The following NELL1 variants were observed in gnomAD, a reference collection of about 807,000 sequenced individuals.
NELL1 encodes neural EGFL like 1.
A neutral mutation model predicts 107.4 loss-of-function variants in NELL1; 76 were observed. The observed-to-expected ratio is 0.71, with a 90% CI of 0.59 to 0.86. NELL1 has a LOEUF of 0.86. Among genes scored for constraint, NELL1 ranks in the 40% least tolerant of loss-of-function variants. The pLI is 0.00. For missense variants in NELL1, 1,024 were observed against 1,005.5 expected, an observed-to-expected ratio of 1.02 and a Z score of -0.25; for synonymous variants, 353 against 341.2, an observed-to-expected ratio of 1.03 and a Z score of -0.38.
chr11:21,230,507 C>A (rs1172234215), intron 14 of NELL1, among the ~76,000 whole-genome samples: 1 of 152,156 alleles, frequency 6.6e-6, no homozygotes, highest in Non-Finnish European at 1.5e-5. Context: ...AAATAGGCAA[C>A]ATGAACAAGA....
chr11:21,242,165 A>G (rs558383347), intron 14 of NELL1, among the ~76,000 whole-genome samples: 1 of 152,186 alleles, frequency 6.6e-6, no homozygotes, highest in South Asian at 2.1e-4. Context: ...TAGATGCTGT[A>G]ACAGATAAAC....
Position 20,858,900 on chromosome 11 carries a change from A to G in NELL1, c.506+11147A>G, listed in dbSNP as rs574456793. ...TCCCCTGTGACTTTGGCACAGGTAC[A>G]GGATCCAAAAGAACCATGGGGAACT... is the stretch of plus-strand genomic sequence containing the variant. On this transcript the variant is annotated intron_variant, in intron 4 of 19. Coordinates refer to ENST00000357134, the MANE Select transcript of NELL1 (RefSeq NM_006157.5). Among the ~76,000 whole-genome samples, 15 of 152,316 alleles carry G rather than the reference A, an allele frequency of 9.8e-5. No individual in the cohort carries two copies. The South Asian group carries it at 3.1e-3, about 32-fold the overall frequency.
At chr11:20,708,562 A>T (rs746320850) in intron 2 of NELL1, among the ~76,000 whole-genome samples, 2 of 150,978 alleles carry the variant, frequency 1.3e-5, no homozygotes, top group African/African-American at 4.9e-5. Context: ...TTACTTTTTG[A>T]TGGTATTATT....
At chr11:21,197,363 T>G (rs1857176897) in intron 13 of NELL1, among the ~76,000 whole-genome samples, 1 of 149,930 alleles carries the variant, frequency 6.7e-6, no homozygotes, top group African/African-American at 2.5e-5. Context: ...GAGAACAAAA[T>G]CTTGTTTCCT....
At chr11:20,686,942 T>C (rs1249754247) in intron 2 of NELL1, among the ~76,000 whole-genome samples, 4 of 151,688 alleles carry the variant, frequency 2.6e-5, no homozygotes, top group African/African-American at 9.7e-5. Flanking sequence ...GTTTTTTTTT[T>C]TTTTTAATAG....
At chr11:20,802,151 T>C (rs1045409115) in intron 3 of NELL1, among the ~76,000 whole-genome samples, 1 of 152,158 alleles carries the variant, frequency 6.6e-6, no homozygotes, top group Non-Finnish European at 1.5e-5. Flanking sequence ...AGTTACTACA[T>C]TGAATTTGTA....
chr11:21,244,906 C>T (rs1858451810), intron 14 of NELL1, among the ~76,000 whole-genome samples: 1 of 152,108 alleles, frequency 6.6e-6, no homozygotes, highest in African/African-American at 2.4e-5. Context: ...CTCACTTTTA[C>T]AACTGGGGAT....
At chr11:21,200,675 T>C (rs1411670533) in intron 13 of NELL1, among the ~76,000 whole-genome samples, 1 of 152,216 alleles carries the variant, frequency 6.6e-6, no homozygotes, top group Non-Finnish European at 1.5e-5. Flanking sequence ...TTGTTGCCAT[T>C]GCTTTTGGTG....
At chr11:21,079,220 A>G (rs1033721071) in intron 12 of NELL1, among the ~76,000 whole-genome samples, 1 of 152,076 alleles carries the variant, frequency 6.6e-6, no homozygotes, top group African/African-American at 2.4e-5. Flanking sequence ...CATCATAGAT[A>G]TGAATCTGTG....
chr11:20,819,944 T>C (rs1397526660), intron 3 of NELL1, among the ~76,000 whole-genome samples: 1 of 152,234 alleles, frequency 6.6e-6, no homozygotes, highest in Non-Finnish European at 1.5e-5. Context: ...GCTTGATTCC[T>C]TGAGCTCCTT....
Position 20,823,340 on chromosome 11 carries a change from G to A in NELL1, c.336-24243G>A, listed in dbSNP as rs189862916. 1.3e-4 allele frequency among the ~76,000 whole-genome samples: 19 copies of A among 151,128 alleles called. No individual in the cohort carries two copies. The East Asian group carries it at 1.9e-3, about 15-fold the overall frequency. On this transcript the variant is annotated intron_variant, in intron 3 of 19. Coordinates refer to ENST00000357134, the MANE Select transcript of NELL1 (RefSeq NM_006157.5). ...CTAGAACAGTATGGGCGAAACTGTC[G>A]CCATGATTCAATGATCTCCCACTGG...
intron 14 of NELL1, among the ~76,000 whole-genome samples, chr11:21,250,413 C>A (rs1432859247): frequency 6.6e-6 from 1 of 152,144 alleles, no homozygotes; most frequent in African/African-American, 2.4e-5. Flanking sequence ...TCATTTACAC[C>A]ATCCTGAAAA....
chr11:21,551,341 C>G, intron 16 of NELL1, among the ~76,000 whole-genome samples: 1 of 152,006 alleles, frequency 6.6e-6, no homozygotes, highest in Non-Finnish European at 1.5e-5. Flanking sequence ...ATTTCATTCT[C>G]CTGCCTAATT....
intron 15 of NELL1, among the ~76,000 whole-genome samples, chr11:21,395,601 TAAAG>T (rs1160603672): frequency 2.6e-5 from 4 of 151,702 alleles, no homozygotes; most frequent in Middle Eastern, 6.8e-3. Context: ...TTGGTGATCA[TAAAG>T]AAATTTCTTC....
At chr11:21,176,234 A>G (rs1390750382) in intron 13 of NELL1, among the ~76,000 whole-genome samples, 1 of 151,898 alleles carries the variant, frequency 6.6e-6, no homozygotes, top group African/African-American at 2.4e-5. Flanking sequence ...TTTCTGAACC[A>G]TCCTGCTCAA....
At chr11:21,507,578 G>T (rs1213071749) in intron 15 of NELL1, among the ~76,000 whole-genome samples, 2 of 151,952 alleles carry the variant, frequency 1.3e-5, no homozygotes, top group Non-Finnish European at 2.9e-5. Flanking sequence ...CTTTTTTGAG[G>T]TACCTTAAAT....
intron 11 of NELL1, among the ~76,000 whole-genome samples, chr11:20,953,039 G>C (rs1313139499): frequency 2.0e-5 from 3 of 152,120 alleles, no homozygotes; most frequent in East Asian, 1.9e-4. Context: ...GTACATAAAG[G>C]CATCCAGTTC....
chr11:21,333,194 G>A (rs550995063), intron 14 of NELL1, among the ~76,000 whole-genome samples: 2 of 152,022 alleles, frequency 1.3e-5, no homozygotes, highest in Non-Finnish European at 2.9e-5. Flanking sequence ...ATAAGGACTA[G>A]GATGTAAAGA....
intron 12 of NELL1, among the ~76,000 whole-genome samples, chr11:21,110,825 A>C (rs1855089315): frequency 6.6e-6 from 1 of 152,144 alleles, no homozygotes; most frequent in East Asian, 1.9e-4. Flanking sequence ...TCTTCACTAC[A>C]GCCAGAGTGA....
Sources: gnomAD v4.1 joint callset for allele counts (sites outside exome capture counted in the v4.1 genomes callset) on GRCh38, gnomAD v4.1.1 for gene constraint, MANE v1.5 for transcripts, NCBI Gene and HGNC (gene_info 2026-07-23, HGNC 2026-07-21) for gene names.